FRS2: variants seen among roughly 807,000 people sequenced by gnomAD.
FRS2 encodes the protein FGFR signalling adaptor.
Under a neutral mutation model 43.9 loss-of-function variants are expected in FRS2, and 8 were observed. That is an observed-to-expected ratio of 0.18 (90% confidence interval 0.11 to 0.33). The LOEUF (loss-of-function observed/expected upper bound fraction) is 0.33. Among genes scored for constraint, FRS2 ranks in the 10% least tolerant of loss-of-function variants. The pLI is 1.00. For synonymous variants in FRS2, 219 were observed against 220.3 expected (o/e 0.99, Z 0.05); for missense variants, 534 against 627.6 (o/e 0.85, Z 1.59).
intron 3 of FRS2, among the ~76,000 whole-genome samples, chr12:69,546,611 T>A (rs1356160602): frequency 6.6e-6 from 1 of 151,990 alleles, no homozygotes; most frequent in Non-Finnish European, 1.5e-5. Flanking sequence ...CAGGCTGGTC[T>A]TGAACTCCTA....
intron 3 of FRS2, among the ~76,000 whole-genome samples, chr12:69,532,739 A>G (rs1446439387): frequency 1.3e-5 from 2 of 152,242 alleles, no homozygotes; most frequent in Non-Finnish European, 2.9e-5. Flanking sequence ...AGCCAAGATT[A>G]GGGCTTTTTA....
chr12:69,568,912 AATG>A (rs1880516636), intron 4 of FRS2, 90 bp from the exon 5 acceptor site: 1 of 562,446 alleles, frequency 1.8e-6, no homozygotes, highest in South Asian at 3.0e-5. Flanking sequence ...GCATCAGAAT[AATG>A]TTTGTGTTAG....
At chr12:69,554,859 C>A (rs891421086) in intron 3 of FRS2, among the ~76,000 whole-genome samples, 1 of 151,128 alleles carries the variant, frequency 6.6e-6, no homozygotes, top group Non-Finnish European at 1.5e-5. Flanking sequence ...CATTCGCCAC[C>A]ACGCCCAGCT....
In FRS2 at chr12:69,574,950, A is replaced by T; in HGVS notation, c.1522A>T (p.Met508Leu). ...KTRHNSTDLPM is the reference protein window; with the variant it reads ...KTRHNSTDLPL ...TAGACACAATAGTACTGATCTGCCCATGTGAGCCTGGAAAGCATTGTGTTG... is the reference window on the plus strand; with the variant it reads ...TAGACACAATAGTACTGATCTGCCCTTGTGAGCCTGGAAAGCATTGTGTTG... The change falls in exon 9 of 9, where the codon ATG becomes TTG. Residue 508 changes from methionine to leucine, a missense_variant. By Grantham distance (15) the Met-to-Leu change is conservative. Around this residue, in one of 3 missense-constraint regions of FRS2, gnomAD observed 446 missense variants for 494.2 expected, o/e 0.90. Transcript: ENST00000549921. The T allele has an allele frequency of 6.3e-7, 1 of 1,591,000 alleles. No homozygotes were observed. Among genetic ancestry groups the T allele is most frequent in the Non-Finnish European group, 8.6e-7 (1 of 1,159,958 alleles).
intron 3 of FRS2, among the ~76,000 whole-genome samples, chr12:69,538,195 TTTTATATATATATA>T (rs1315661751): frequency 2.6e-5 from 2 of 76,872 alleles, no homozygotes; most frequent in Non-Finnish European, 2.4e-5. Flanking sequence ...AAAAAACAAA[TTTTATATATATATA>T]TATATATATA....
chr12:69,485,233 A>G (rs982843582), intron 1 of FRS2, among the ~76,000 whole-genome samples: 3 of 151,940 alleles, frequency 2.0e-5, no homozygotes, highest in African/African-American at 7.2e-5. Context: ...CCCAGGCTGG[A>G]GTGCAGTGGC....
chr12:69,491,030 T>A (rs949229406), intron 1 of FRS2, among the ~76,000 whole-genome samples: 1 of 152,250 alleles, frequency 6.6e-6, no homozygotes, highest in East Asian at 1.9e-4. Flanking sequence ...TACCTTTCTG[T>A]CTACTAGGTC....
intron 1 of FRS2, among the ~76,000 whole-genome samples, chr12:69,470,805 C>A (rs56814324): frequency 6.6e-6 from 1 of 151,852 alleles, no homozygotes; most frequent in African/African-American, 2.4e-5. Context: ...GGCCTCTGTT[C>A]GTCCGTCCGA....
At chr12:69,517,693 C>T (rs930630805) in intron 1 of FRS2, among the ~76,000 whole-genome samples, 3 of 152,142 alleles carry the variant, frequency 2.0e-5, no homozygotes, top group Admixed American at 2.0e-4. Flanking sequence ...TTAAACTCTT[C>T]AGCATTGCTG....
At chr12:69,538,238 A>G (rs1270022005) in intron 3 of FRS2, among the ~76,000 whole-genome samples, 1 of 100,788 alleles carries the variant, frequency 9.9e-6, no homozygotes, top group Non-Finnish European at 1.9e-5. Context: ...TGCAGATTAT[A>G]TATATATATA....
intron 1 of FRS2, among the ~76,000 whole-genome samples, chr12:69,475,726 G>A (rs924193850): frequency 3.3e-5 from 5 of 151,930 alleles, no homozygotes; most frequent in African/African-American, 1.2e-4. Flanking sequence ...ATTTGGTTTG[G>A]GCATTACGTA....
chr12:69,571,879 C>T (rs1187029142), intron 7 of FRS2, among the ~76,000 whole-genome samples: 1 of 151,832 alleles, frequency 6.6e-6, no homozygotes, highest in Non-Finnish European at 1.5e-5. Context: ...CAAAACAAAA[C>T]AAAACAGAAC....
chr12:69,487,162 G>A (rs935856353), intron 1 of FRS2, among the ~76,000 whole-genome samples: 1 of 152,204 alleles, frequency 6.6e-6, no homozygotes, highest in South Asian at 2.1e-4. Flanking sequence ...CTCACCAGAA[G>A]AACTAATTTA....
chr12:69,483,944 A>G (rs1049784796), intron 1 of FRS2, among the ~76,000 whole-genome samples: 41 of 152,136 alleles, frequency 2.7e-4, no homozygotes, highest in African/African-American at 9.7e-4. Context: ...CCAACTTACT[A>G]GGCGAGAAAG....
chr12:69,499,728 T>C (rs1404865137), intron 1 of FRS2, among the ~76,000 whole-genome samples: 2 of 151,820 alleles, frequency 1.3e-5, no homozygotes, highest in East Asian at 3.9e-4. Context: ...GCTTCTAGAT[T>C]TTTAGATTGT....
At chr12:69,477,094 A>G (rs1179852473) in intron 1 of FRS2, among the ~76,000 whole-genome samples, 1 of 151,170 alleles carries the variant, frequency 6.6e-6, no homozygotes, top group Non-Finnish European at 1.5e-5. Context: ...TTTTTCTCTT[A>G]AAGTACTCCC....
chr12:69,549,358 C>T (rs551541869), intron 3 of FRS2, among the ~76,000 whole-genome samples: 2 of 151,904 alleles, frequency 1.3e-5, no homozygotes, highest in African/African-American at 4.8e-5. Context: ...TATTTAAAAG[C>T]TGTTTTGTTG....
chr12:69,503,710 C>G (rs1053198997), intron 1 of FRS2, among the ~76,000 whole-genome samples: 1 of 152,100 alleles, frequency 6.6e-6, no homozygotes, highest in African/African-American at 2.4e-5. Flanking sequence ...GAAATAGTGT[C>G]TTTGCATTTA....
rs1881220569 is a variant in FRS2 at position 69,576,795 on chromosome 12, T to G, written c.*1840T>G. On this transcript the variant is annotated 3_prime_UTR_variant, in exon 9 of 9. Coordinates refer to ENST00000549921, the MANE Select transcript of FRS2 (RefSeq NM_001278356.2). ...CTATGTGCATAGCAGAATTTTCTTT[T>G]CTCCCTTTTGTTCCCCTGTGAACTT... 6.6e-6 allele frequency: 1 copy of G among 152,620 alleles called. No individual in the cohort carries two copies. Among genetic ancestry groups the G allele is most frequent in the Admixed American group, 6.5e-5 (1 of 15,278 alleles). 9.5% of individuals were successfully genotyped at this position (152,620 alleles called of 1,614,324 possible). A position where few individuals can be genotyped will look rare whatever the true frequency, so the allele number is the denominator to read the frequency against.
Sources: gnomAD v4.1 joint callset for allele counts (sites outside exome capture counted in the v4.1 genomes callset) on GRCh38, gnomAD v4.1.1 for gene constraint, gnomAD v4.1.1 regional missense constraint, MANE v1.5 for transcripts, NCBI Gene and HGNC (gene_info 2026-07-23, HGNC 2026-07-21) for gene names.